The following SLC24A2 variants were observed in gnomAD, a reference collection of about 807,000 sequenced individuals.
The protein encoded by SLC24A2 is solute carrier family 24 member 2, also known as sodium/potassium/calcium exchanger 2.
SLC24A2 carries 36 observed loss-of-function variants against 62.0 expected under a neutral mutation model. The ratio of observed to expected loss-of-function variants is 0.58; its 90% CI spans 0.44 to 0.77. The LOEUF (loss-of-function observed/expected upper bound fraction) is 0.77, where lower values mean the gene tolerates loss of function less well. Ranked by LOEUF, SLC24A2 falls within the 30% of genes least tolerant of loss-of-function variation. The pLI, the probability that SLC24A2 is intolerant of heterozygous loss-of-function variation, is 0.00. For synonymous variants in SLC24A2, 358 were observed against 294.0 expected, an observed-to-expected ratio of 1.22 and a Z score of -2.23; for missense variants, 846 against 817.9, an observed-to-expected ratio of 1.03 and a Z score of -0.42.
Position 19,547,326 on chromosome 9 carries a change from T to G in SLC24A2, c.1479+2811A>C, listed in dbSNP as rs145440219. 2.8e-3 allele frequency among the ~76,000 whole-genome samples: 431 copies of G among 152,296 alleles called. 4 individuals carry two copies. The highest frequency in any genetic ancestry group is 9.3e-3 in the African/African-American group (388 of 41,586). On this transcript the variant is annotated intron_variant, in intron 8 of 10. Coordinates refer to ENST00000341998, the MANE Select transcript of SLC24A2 (RefSeq NM_020344.4). ...CTGGCTACCCTGCCCATTCTGCAGG[T>G]GCTGGCTCTCAGAGGGGGACTGCAC... is the stretch of plus-strand genomic sequence containing the variant.
At chr9:20,123,419 C>A in the SLC24A2 span, among the ~76,000 whole-genome samples, 1 of 152,278 alleles carries the variant, frequency 6.6e-6, no homozygotes, top group African/African-American at 2.4e-5. Flanking sequence ...GAAATATTTT[C>A]TCTACTTTTC....
chr9:19,683,293 C>T (rs1051542587), intron 2 of SLC24A2, among the ~76,000 whole-genome samples: 1 of 152,140 alleles, frequency 6.6e-6, no homozygotes, highest in African/African-American at 2.4e-5. Context: ...TAGCAGGAAA[C>T]ACAGGTCTTT....
chr9:19,743,558 C>T (rs1400603831), intron 2 of SLC24A2, among the ~76,000 whole-genome samples: 3 of 152,022 alleles, frequency 2.0e-5, no homozygotes, highest in African/African-American at 4.8e-5. Flanking sequence ...GCAGTTACTG[C>T]GCAGTACAAT....
chr9:20,024,473 A>T, the SLC24A2 span, among the ~76,000 whole-genome samples: 1 of 152,212 alleles, frequency 6.6e-6, no homozygotes, highest in Non-Finnish European at 1.5e-5. Flanking sequence ...GTTACTACCG[A>T]ATTTTTGACA....
At chr9:19,759,896 T>A (rs1822267079) in intron 2 of SLC24A2, among the ~76,000 whole-genome samples, 1 of 152,198 alleles carries the variant, frequency 6.6e-6, no homozygotes, top group African/African-American at 2.4e-5. Context: ...TATCCTTTTG[T>A]TAAAAAATAA....
the SLC24A2 span, among the ~76,000 whole-genome samples, chr9:19,830,996 G>T: frequency 4.6e-5 from 7 of 152,174 alleles, no homozygotes; most frequent in African/African-American, 1.7e-4. Context: ...ACATCCTCCA[G>T]AGGGGAGGAG....
chr9:19,778,939 A>G (rs1822926609), intron 2 of SLC24A2, among the ~76,000 whole-genome samples: 1 of 152,232 alleles, frequency 6.6e-6, no homozygotes. Context: ...GAAATTAGAA[A>G]CAATGAAAAG....
intron 2 of SLC24A2, among the ~76,000 whole-genome samples, chr9:19,756,996 A>C (rs1007253319): frequency 5.7e-5 from 8 of 141,344 alleles, no homozygotes; most frequent in African/African-American, 2.1e-4. Context: ...TGTAGCCTCA[A>C]ACTCCTGGGC....
the SLC24A2 span, among the ~76,000 whole-genome samples, chr9:19,873,538 C>T: frequency 0.01 from 1,387 of 135,802 alleles, 19 homozygotes; most frequent in African/African-American, 0.034. Flanking sequence ...CTTTCTTTCT[C>T]TTTCTTTCTT....
the SLC24A2 span, among the ~76,000 whole-genome samples, chr9:19,960,656 C>T: frequency 2.7e-4 from 41 of 152,286 alleles, 2 homozygotes; most frequent in East Asian, 7.9e-3. Context: ...GTGTGTCCCA[C>T]AGATGTATGG....
At chr9:19,639,054 G>C (rs1290410049) in intron 2 of SLC24A2, among the ~76,000 whole-genome samples, 3 of 152,138 alleles carry the variant, frequency 2.0e-5, no homozygotes, top group African/African-American at 7.2e-5. Context: ...AACATAATCT[G>C]CTTCAATTTC....
chr9:20,221,875 G>C, the SLC24A2 span, among the ~76,000 whole-genome samples: 2 of 152,054 alleles, frequency 1.3e-5, no homozygotes, highest in East Asian at 3.8e-4. Context: ...CAAAGACTTT[G>C]AGTATTTATT....
chr9:19,549,916 G>C (rs865796335), intron 8 of SLC24A2, among the ~76,000 whole-genome samples: 6 of 152,146 alleles, frequency 3.9e-5, no homozygotes, highest in Non-Finnish European at 8.8e-5. Context: ...TTGTGTGTCT[G>C]CTCAGAGAAA....
chr9:20,201,498 G>C, the SLC24A2 span, among the ~76,000 whole-genome samples: 1 of 152,154 alleles, frequency 6.6e-6, no homozygotes, highest in Non-Finnish European at 1.5e-5. Context: ...ATTTGAGATA[G>C]AGAAGGGAAA....
the SLC24A2 span, among the ~76,000 whole-genome samples, chr9:20,262,121 C>T: frequency 6.6e-6 from 1 of 152,138 alleles, no homozygotes; most frequent in African/African-American, 2.4e-5. Flanking sequence ...TAGGAAAAGG[C>T]AGCCCCAAAA....
At chr9:19,742,111 C>T (rs1235108969) in intron 2 of SLC24A2, among the ~76,000 whole-genome samples, 1 of 152,124 alleles carries the variant, frequency 6.6e-6, no homozygotes, top group Non-Finnish European at 1.5e-5. Flanking sequence ...GGCCAAAAAG[C>T]CAAATTCTAT....
the SLC24A2 span, among the ~76,000 whole-genome samples, chr9:20,169,640 T>G: frequency 4.6e-5 from 7 of 151,934 alleles, no homozygotes; most frequent in African/African-American, 1.7e-4. Flanking sequence ...GGGAGAGTAC[T>G]ACATCAAGGG....
At chr9:20,060,216 T>A in the SLC24A2 span, among the ~76,000 whole-genome samples, 6 of 152,070 alleles carry the variant, frequency 3.9e-5, no homozygotes, top group African/African-American at 1.4e-4. Context: ...CTGGTGAATT[T>A]TACCAAACAT....
the SLC24A2 span, among the ~76,000 whole-genome samples, chr9:20,260,140 G>C: frequency 6.6e-6 from 1 of 152,184 alleles, no homozygotes; most frequent in Non-Finnish European, 1.5e-5. Flanking sequence ...ATTAGACCAC[G>C]AGGGCTCCAA....
Sources: allele counts gnomAD v4.1 joint callset (sites outside exome capture counted in the v4.1 genomes callset), GRCh38; gene constraint gnomAD v4.1.1; transcripts MANE v1.5; gene names NCBI Gene and HGNC (gene_info 2026-07-23, HGNC 2026-07-21).